ERCC8: variants seen among roughly 807,000 people sequenced by gnomAD.
ERCC8 encodes ERCC excision repair 8, CSA ubiquitin ligase complex subunit.
A neutral mutation model predicts 54.9 loss-of-function variants in ERCC8; 52 were observed. The observed-to-expected ratio is 0.95, with a 90% CI of 0.76 to 1.19. The LOEUF (loss-of-function observed/expected upper bound fraction) is 1.19, where lower values mean the gene tolerates loss of function less well. Ranked by LOEUF, ERCC8 falls within the 50% of genes most tolerant of loss-of-function variation. ERCC8 has a pLI of 0.00. For missense variants in ERCC8, 514 were observed against 466.1 expected (o/e 1.10, Z -0.95); for synonymous variants, 146 against 157.2 (o/e 0.93, Z 0.53).
At chr5:60,912,743 CTTA>C (rs1749308069) in intron 4 of ERCC8, among the ~76,000 whole-genome samples, 1 of 151,970 alleles carries the variant, frequency 6.6e-6, no homozygotes, top group Admixed American at 6.6e-5. Flanking sequence ...ATAAATAGCC[CTTA>C]TTATTTTGAG....
At chr5:60,943,326 C>A (rs1750320467) in intron 1 of ERCC8, among the ~76,000 whole-genome samples, 1 of 152,140 alleles carries the variant, frequency 6.6e-6, no homozygotes, top group South Asian at 2.1e-4. Flanking sequence ...AACGTATAAG[C>A]AATCCTCACT....
Position 60,944,928 on chromosome 5 carries a change from T to G in ERCC8, c.77+4A>C. 6.2e-7 allele frequency: 1 copy of G among 1,612,772 alleles called. No individual in the cohort carries two copies. Among genetic ancestry groups the G allele is most frequent in the South Asian group, 1.1e-5 (1 of 91,046 alleles). ...TGTTAGCCAAAAAGTAAGGTTTTCTTTACCTCCGTGTTGACTCTGCTCTCC... is the reference window on the plus strand; with the variant it reads ...TGTTAGCCAAAAAGTAAGGTTTTCTGTACCTCCGTGTTGACTCTGCTCTCC... On this transcript the variant is annotated splice_donor_region_variant and intron_variant, in intron 1 of 11. Coordinates refer to ENST00000676185, the MANE Select transcript of ERCC8 (RefSeq NM_000082.4).
At chr5:60,892,825 C>A (rs1748604810) in intron 9 of ERCC8, 1 of 685,354 alleles carries the variant, frequency 1.5e-6, no homozygotes, top group Non-Finnish European at 2.7e-6. Flanking sequence ...CCAGGAATGG[C>A]TCCCACACTG....
rs554447572 is a variant in ERCC8, at chr5:60,899,024, T to C, written c.718+603A>G. 3.3e-5 allele frequency among the ~76,000 whole-genome samples: 5 copies of C among 151,590 alleles called. No homozygotes were observed. The East Asian group carries it at 7.7e-4, about 23-fold the overall frequency. ...ATATAAAACCTATGATTGTTTTATA[T>C]AGTTTTTAAACTTTGTGATTGTTTT... On this transcript the variant is annotated intron_variant, in intron 8 of 11. Coordinates refer to ENST00000676185, the MANE Select transcript of ERCC8 (RefSeq NM_000082.4).
Position 60,899,743 on chromosome 5 carries a change from T to C in ERCC8, c.618-16A>G, listed in dbSNP as rs1460416087. 1.9e-6 allele frequency: 3 copies of C among 1,569,366 alleles called. No homozygotes were observed. Among genetic ancestry groups the C allele is most frequent in the South Asian group, 1.1e-5 (1 of 90,202 alleles). The stretch of plus-strand genomic sequence containing the variant: ...ACTGTCAGCACTGAGAAGAAATAAA[T>C]GTTACATTGACATATGTAGCTAGGA... On this transcript the variant is annotated splice_polypyrimidine_tract_variant and intron_variant, in intron 7 of 11. Coordinates refer to ENST00000676185, the MANE Select transcript of ERCC8 (RefSeq NM_000082.4).
chr5:60,897,870 T>A (rs949213180), intron 9 of ERCC8, among the ~76,000 whole-genome samples: 2 of 152,226 alleles, frequency 1.3e-5, no homozygotes, highest in African/African-American at 4.8e-5. Flanking sequence ...TTCCTTTGTG[T>A]GTCATGCTAG....
rs1339490540 is a variant in ERCC8 at position 60,866,788 on chromosome 5, G to A, written c.*7827C>T. ...TTTTAAATGCTTTAGAAAATATGAT[G>A]ATTTGTGATTTTAGAGCAGGAATGA... On this transcript the variant is annotated 3_prime_UTR_variant, in exon 12 of 12. Transcript: ENST00000676185. The A allele has an allele frequency of 6.6e-6, 1 of 152,012 alleles. No individual in the cohort carries two copies. Among genetic ancestry groups the A allele is most frequent in the African/African-American group, 2.4e-5 (1 of 41,394 alleles). 9.4% of individuals were successfully genotyped at this position (152,012 alleles called of 1,614,324 possible).
At chr5:60,942,040 G>A (rs961947072) in intron 1 of ERCC8, among the ~76,000 whole-genome samples, 7 of 152,072 alleles carry the variant, frequency 4.6e-5, no homozygotes, top group East Asian at 3.9e-4. Context: ...GAAATGATCC[G>A]AAGTAGACAA....
At chr5:60,877,828 T>C (rs1748062831) in intron 11 of ERCC8, among the ~76,000 whole-genome samples, 1 of 152,254 alleles carries the variant, frequency 6.6e-6, no homozygotes, top group Non-Finnish European at 1.5e-5. Context: ...CAGGGACAAT[T>C]TGACTTCCTC....
At chr5:60,920,235 A>C (rs1252960344) in intron 3 of ERCC8, among the ~76,000 whole-genome samples, 1 of 151,970 alleles carries the variant, frequency 6.6e-6, no homozygotes, top group African/African-American at 2.4e-5. Context: ...CAGTTATGTG[A>C]GATACTAAAT....
chr5:60,899,614 C>T lies in ERCC8; in HGVS notation c.718+13G>A, dbSNP rs753293232. Reference sequence around the variant, plus strand: ...ACTATCATTGTCATATTTATTAATGCGTTCTTCCTTACCTGATTCAACAGC... The same window carrying T: ...ACTATCATTGTCATATTTATTAATGTGTTCTTCCTTACCTGATTCAACAGC... On this transcript the variant is annotated intron_variant, in intron 8 of 11. Transcript: ENST00000676185. 1.8e-5 allele frequency: 28 copies of T among 1,558,032 alleles called. No homozygotes were observed. Among genetic ancestry groups the T allele is most frequent in the Middle Eastern group, 1.7e-4 (1 of 5,988 alleles).
At chr5:60,916,116 G>C (rs987473911) in intron 4 of ERCC8, among the ~76,000 whole-genome samples, 1 of 151,888 alleles carries the variant, frequency 6.6e-6, no homozygotes, top group Non-Finnish European at 1.5e-5. Context: ...CTATGGTCTC[G>C]CATAGCTTGG....
intron 9 of ERCC8, among the ~76,000 whole-genome samples, chr5:60,894,438 A>G (rs1748664679): frequency 6.6e-6 from 1 of 152,242 alleles, no homozygotes; most frequent in South Asian, 2.1e-4. Context: ...CATAATTATG[A>G]AAATTATGCA....
intron 2 of ERCC8, among the ~76,000 whole-genome samples, chr5:60,923,281 T>C (rs1400115833): frequency 6.6e-6 from 1 of 152,168 alleles, no homozygotes; most frequent in African/African-American, 2.4e-5. Context: ...ACTAAAGCTA[T>C]ATACATTGAT....
intron 7 of ERCC8, 79 bp downstream of exon 7, chr5:60,902,363 T>C: frequency 2.8e-6 from 3 of 1,055,828 alleles, no homozygotes; most frequent in East Asian, 2.4e-5. Context: ...TGCTAAAATA[T>C]ATACATTACA....
Position 60,945,061 on chromosome 5 carries a change from G to C in ERCC8, c.-53C>G, listed in dbSNP as rs910171268. 1 of 1,522,118 alleles carries C rather than the reference G, an allele frequency of 6.6e-7. No individual in the cohort carries two copies. The highest frequency in any genetic ancestry group is 1.1e-5 in the South Asian group (1 of 89,260). 94.3% of individuals were successfully genotyped at this position (1,522,118 alleles called of 1,614,324 possible). Reference sequence around the variant, plus strand: ...TGGACGTCGCCATGACAGAGCTCAGGGGCGGGACTGGAACAGCAGAGTCTC... The same window carrying C: ...TGGACGTCGCCATGACAGAGCTCAGCGGCGGGACTGGAACAGCAGAGTCTC... On this transcript the variant is annotated 5_prime_UTR_variant, in exon 1 of 12. Coordinates refer to ENST00000676185, the MANE Select transcript of ERCC8 (RefSeq NM_000082.4).
chr5:60,883,897 G>C (rs2112467251), intron 11 of ERCC8, among the ~76,000 whole-genome samples: 1 of 152,202 alleles, frequency 6.6e-6, no homozygotes, highest in East Asian at 1.9e-4. Context: ...TAAATAAAAG[G>C]ATTTATAGTT....
chr5:60,882,921 T>C (rs1748281484), intron 11 of ERCC8, among the ~76,000 whole-genome samples: 1 of 151,924 alleles, frequency 6.6e-6, no homozygotes, highest in South Asian at 2.1e-4. Flanking sequence ...ACTCTGTCTC[T>C]AGAAGCCTTT....
intron 1 of ERCC8, among the ~76,000 whole-genome samples, chr5:60,942,821 TG>T (rs1750301025): frequency 6.6e-6 from 1 of 152,188 alleles, no homozygotes; most frequent in South Asian, 2.1e-4. Flanking sequence ...AGTTGTAAAA[TG>T]TTTTTTTAGA....
Sources: gnomAD v4.1 joint callset for allele counts (sites outside exome capture counted in the v4.1 genomes callset) on GRCh38, gnomAD v4.1.1 for gene constraint, MANE v1.5 for transcripts, NCBI Gene and HGNC (gene_info 2026-07-23, HGNC 2026-07-21) for gene names.